PTPRT: variants seen among roughly 807,000 people sequenced by gnomAD.
PTPRT encodes the protein protein tyrosine phosphatase receptor type T, also known as receptor-type tyrosine-protein phosphatase T.
In PTPRT, 56 loss-of-function variants were observed where a neutral mutation model predicts 176.8. That is an observed-to-expected ratio of 0.32 (90% CI 0.26 to 0.40). The LOEUF is 0.40. Ranked by LOEUF, PTPRT falls within the 10% of genes least tolerant of loss-of-function variation. The pLI, the probability that PTPRT is intolerant of heterozygous loss-of-function variation, is 1.00. For missense variants in PTPRT, 1,540 were observed against 1,908.2 expected (o/e 0.81, Z 3.60); for synonymous variants, 783 against 739.0 (o/e 1.06, Z -0.96).
chr20:42,036,774 G>A, the PTPRT span, among the ~76,000 whole-genome samples: 51 of 152,274 alleles, frequency 3.3e-4, no homozygotes, highest in African/African-American at 1.2e-3. Context: ...TGCAGGTGAG[G>A]AGACCCAGGG....
At chr20:42,956,996 T>C (rs1431887493) in intron 1 of PTPRT, among the ~76,000 whole-genome samples, 3 of 152,198 alleles carry the variant, frequency 2.0e-5, no homozygotes, top group African/African-American at 4.8e-5. Context: ...TGCAGATTTC[T>C]GGGCCACACC....
chr20:42,643,529 C>T (rs1323287283), intron 7 of PTPRT, among the ~76,000 whole-genome samples: 1 of 151,154 alleles, frequency 6.6e-6, no homozygotes, highest in Non-Finnish European at 1.5e-5. Flanking sequence ...GTTGCCCATG[C>T]TGGTCTCAAG....
rs6016907 is a variant in PTPRT, at chr20:42,871,547, C to T, written c.214+14260G>A. Among the ~76,000 whole-genome samples the T allele has an allele frequency of 4.5e-3, 692 of 152,256 alleles. 6 individuals are homozygous for T. Among genetic ancestry groups the T allele is most frequent in the African/African-American group, 0.016 (655 of 41,534 alleles). Reference sequence around the variant, plus strand: ...ACTTTTGGTGTTATATCCAAGAAATCGCTGCCAAATCCAACATCATAAAAC... The same window carrying T: ...ACTTTTGGTGTTATATCCAAGAAATTGCTGCCAAATCCAACATCATAAAAC... On this transcript the variant is annotated intron_variant, in intron 2 of 30. Coordinates refer to ENST00000373187, the MANE Select transcript of PTPRT (RefSeq NM_007050.6).
At chr20:42,635,140 T>G (rs1487853944) in intron 7 of PTPRT, among the ~76,000 whole-genome samples, 1 of 152,152 alleles carries the variant, frequency 6.6e-6, no homozygotes, top group East Asian at 1.9e-4. Flanking sequence ...AAGCATCCTC[T>G]TGGTCTGAGA....
intron 1 of PTPRT, among the ~76,000 whole-genome samples, chr20:43,004,512 G>A (rs1238083409): frequency 6.6e-6 from 1 of 152,146 alleles, no homozygotes; most frequent in Non-Finnish European, 1.5e-5. Flanking sequence ...TTAATATCCT[G>A]AGTCAACAAA....
At chr20:43,026,200 C>T (rs1378763114) in intron 1 of PTPRT, among the ~76,000 whole-genome samples, 1 of 152,144 alleles carries the variant, frequency 6.6e-6, no homozygotes, top group Non-Finnish European at 1.5e-5. Flanking sequence ...TCACTGCAAC[C>T]TCCGCCTCCC....
intron 27 of PTPRT, among the ~76,000 whole-genome samples, 156 bp downstream of exon 27, chr20:42,098,265 C>T (rs549936261): frequency 3.5e-4 from 54 of 152,270 alleles, no homozygotes; most frequent in African/African-American, 1.3e-3. Context: ...CTGTAGGTAG[C>T]AGAATGGCTT....
At chr20:43,045,901 C>G (rs1051026747) in intron 1 of PTPRT, among the ~76,000 whole-genome samples, 1 of 152,076 alleles carries the variant, frequency 6.6e-6, no homozygotes, top group Non-Finnish European at 1.5e-5. Context: ...AATTTAGATT[C>G]CATAGCTAAG....
chr20:42,959,676 T>C (rs1981876262), intron 1 of PTPRT, among the ~76,000 whole-genome samples: 2 of 152,170 alleles, frequency 1.3e-5, no homozygotes, highest in African/African-American at 4.8e-5. Context: ...TTTCACCTTC[T>C]GCTTGAATCC....
intron 9 of PTPRT, among the ~76,000 whole-genome samples, chr20:42,404,308 A>C (rs576010867): frequency 1.3e-5 from 2 of 152,248 alleles, no homozygotes; most frequent in South Asian, 4.1e-4. Context: ...GGGGACTTGA[A>C]TGCCTTAGGG....
chr20:42,598,013 G>A (rs2073704951), intron 7 of PTPRT, among the ~76,000 whole-genome samples: 1 of 152,072 alleles, frequency 6.6e-6, no homozygotes, highest in Admixed American at 6.6e-5. Context: ...GCCCACAGAA[G>A]CCTTTTCATC....
rs745743171 is a variant in PTPRT, at chr20:42,315,921, C to T, written c.1941G>A (p.Ser647=). Reference sequence around the variant, plus strand: ...AGGCATTCCGATAGCTCACGGGCACCGAAAAGCACTCAATAATGTCAGCTG... The same window carrying T: ...AGGCATTCCGATAGCTCACGGGCACTGAAAAGCACTCAATAATGTCAGCTG... ...RRAADIIECF[S]VPVSYRNASS... The change falls in exon 12 of 31, where the codon TCG becomes TCA. Residue 647 remains serine, a synonymous_variant. Coordinates refer to ENST00000373187, the MANE Select transcript of PTPRT (RefSeq NM_007050.6). 22 of 1,613,986 alleles carry T rather than the reference C, an allele frequency of 1.4e-5. No homozygotes were observed. Among genetic ancestry groups the T allele is most frequent in the East Asian group, 1.1e-4 (5 of 44,884 alleles).
At chr20:42,759,715 T>C (rs2076888160) in intron 5 of PTPRT, among the ~76,000 whole-genome samples, 1 of 152,204 alleles carries the variant, frequency 6.6e-6, no homozygotes, top group Non-Finnish European at 1.5e-5. Context: ...GTTTTTCAGA[T>C]TTAAGTATAT....
intron 6 of PTPRT, among the ~76,000 whole-genome samples, chr20:42,712,177 GTTC>G (rs138540760): frequency 0.11 from 16,416 of 152,060 alleles, 1,109 homozygotes; most frequent in African/African-American, 0.19. Context: ...GAATGACATT[GTTC>G]TTCTCTCAAC....
intron 6 of PTPRT, among the ~76,000 whole-genome samples, chr20:42,685,010 C>T (rs1267052415): frequency 6.6e-6 from 1 of 152,086 alleles, no homozygotes; most frequent in African/African-American, 2.4e-5. Context: ...AGATACCCAT[C>T]CAAAGTCAAA....
intron 7 of PTPRT, among the ~76,000 whole-genome samples, chr20:42,513,209 T>A (rs1237631698): frequency 6.8e-6 from 1 of 146,348 alleles, no homozygotes; most frequent in East Asian, 1.9e-4. Flanking sequence ...GGGGTGTGTG[T>A]GTGTGTGTGT....
At chr20:42,090,503 C>T (rs897972217) in intron 27 of PTPRT, among the ~76,000 whole-genome samples, 3 of 152,046 alleles carry the variant, frequency 2.0e-5, no homozygotes, top group African/African-American at 7.2e-5. Context: ...TCACATAACC[C>T]TGCTCCTAAA....
At chr20:42,473,101 C>T (rs2071227655) in intron 7 of PTPRT, among the ~76,000 whole-genome samples, 1 of 152,158 alleles carries the variant, frequency 6.6e-6, no homozygotes, top group African/African-American at 2.4e-5. Flanking sequence ...CATCATGACC[C>T]ATTAACCCTG....
chr20:42,174,175 T>C (rs1990187624), intron 16 of PTPRT, among the ~76,000 whole-genome samples: 1 of 152,162 alleles, frequency 6.6e-6, no homozygotes, highest in South Asian at 2.1e-4. Context: ...TGACTATGGC[T>C]TGTTAAGATA....
Sources: gnomAD v4.1 joint callset for allele counts (sites outside exome capture counted in the v4.1 genomes callset) on GRCh38, gnomAD v4.1.1 for gene constraint, MANE v1.5 for transcripts, NCBI Gene and HGNC (gene_info 2026-07-23, HGNC 2026-07-21) for gene names.